The following GNAI3 variants were observed in gnomAD, a reference collection of about 807,000 sequenced individuals.
The protein encoded by GNAI3 is G protein subunit alpha i3.
Under a neutral mutation model 41.8 loss-of-function variants are expected in GNAI3, and 12 were observed. The observed-to-expected ratio is 0.29, with a 90% CI of 0.18 to 0.47. GNAI3 has a LOEUF of 0.47. Ranked by LOEUF, GNAI3 falls within the 20% of genes least tolerant of loss-of-function variation. The pLI is 1.00. For missense variants in GNAI3, 360 were observed against 429.6 expected, an observed-to-expected ratio of 0.84 and a Z score of 1.43; for synonymous variants, 132 against 146.5, an observed-to-expected ratio of 0.90 and a Z score of 0.71.
In GNAI3 at chr1:109,582,539, T is replaced by A; in HGVS notation, c.564T>A (p.His188Gln). The change falls in exon 5 of 9, where the codon CAT becomes CAA. Residue 188 changes from histidine (H) to glutamine (Q), a missense_variant. Coordinates refer to ENST00000369851, the MANE Select transcript of GNAI3 (RefSeq NM_006496.4). ...AGACCACAGGCATTGTAGAAACACA[T>A]TTCACCTTCAAAGACCTATACTTCA... ...RVKTTGIVETHFTFKDLYFKM... is the reference protein window; with the variant it reads ...RVKTTGIVETQFTFKDLYFKM... 1 of 1,608,280 alleles carries A rather than the reference T, an allele frequency of 6.2e-7. No individual in the cohort carries two copies. Among genetic ancestry groups the A allele is most frequent in the Non-Finnish European group, 8.5e-7 (1 of 1,174,704 alleles).
chr1:109,570,003 G>T (rs1455430349), intron 1 of GNAI3, among the ~76,000 whole-genome samples: 2 of 152,132 alleles, frequency 1.3e-5, no homozygotes, highest in Non-Finnish European at 2.9e-5. Context: ...AGTAGCTCTT[G>T]TTACTATGGA....
intron 1 of GNAI3, among the ~76,000 whole-genome samples, chr1:109,563,211 G>T (rs1234850482): frequency 6.6e-6 from 1 of 152,070 alleles, no homozygotes; most frequent in East Asian, 1.9e-4. Context: ...GTGAAACTCC[G>T]TCTCTACTAA....
intron 1 of GNAI3, among the ~76,000 whole-genome samples, chr1:109,557,210 C>G (rs775200081): frequency 1.3e-5 from 2 of 152,208 alleles, no homozygotes; most frequent in Non-Finnish European, 1.5e-5. Context: ...GCTGGGATTA[C>G]AGGTGTGAGT....
At chr1:109,553,669 A>G (rs965074247) in intron 1 of GNAI3, among the ~76,000 whole-genome samples, 3 of 152,188 alleles carry the variant, frequency 2.0e-5, no homozygotes. Flanking sequence ...TTTTATAAGC[A>G]TGTATCATTC....
chr1:109,590,581 C>CTT (rs201086144), intron 7 of GNAI3, among the ~76,000 whole-genome samples: 1 of 144,946 alleles, frequency 6.9e-6, no homozygotes. Flanking sequence ...TTTTCCTTTC[C>CTT]TTTTTTTTTT....
chr1:109,592,055 A>T lies in GNAI3; in HGVS notation c.887A>T (p.Tyr296Phe), dbSNP rs1285631581. ...CYPEYTGSNTYEEAAAYIQCQ... is the reference protein window; with the variant it reads ...CYPEYTGSNTFEEAAAYIQCQ... ...GTGTCCGTTTTAGGTTCCAATACATATGAAGAGGCAGCTGCCTATATTCAA... is the reference window on the plus strand; with the variant it reads ...GTGTCCGTTTTAGGTTCCAATACATTTGAAGAGGCAGCTGCCTATATTCAA... The change falls in exon 8 of 9, where the codon TAT (tyrosine) becomes TTT (phenylalanine). Residue 296 changes from tyrosine (Y) to phenylalanine (F), a missense_variant. By Grantham distance (22) the Tyr-to-Phe change is conservative (BLOSUM62 3). Transcript: ENST00000369851. 1.2e-6 allele frequency: 2 copies of T among 1,609,020 alleles called. No individual in the cohort carries two copies. The highest frequency in any genetic ancestry group is 1.7e-6 in the Non-Finnish European group (2 of 1,176,270).
chr1:109,559,697 T>A (rs1434767643), intron 1 of GNAI3, among the ~76,000 whole-genome samples: 1 of 152,172 alleles, frequency 6.6e-6, no homozygotes, highest in Non-Finnish European at 1.5e-5. Flanking sequence ...AAGAAATCAC[T>A]CAGTATTTGA....
chr1:109,596,148 T>C lies in GNAI3; in HGVS notation c.*3826T>C, dbSNP rs949849478. 1 of 152,228 alleles carries C rather than the reference T, an allele frequency of 6.6e-6. No individual in the cohort carries two copies. The highest frequency in any genetic ancestry group is 1.5e-5 in the Non-Finnish European group (1 of 68,044). 9.4% of individuals were successfully genotyped at this position (152,228 alleles called of 1,614,324 possible). ...ACCTCAAGTTGAAAGTTGATTTTGCTGACAACTATCAGGGAGTAAAAGAAA... is the reference window on the plus strand; with the variant it reads ...ACCTCAAGTTGAAAGTTGATTTTGCCGACAACTATCAGGGAGTAAAAGAAA... On this transcript the variant is annotated 3_prime_UTR_variant, in exon 9 of 9. Transcript: ENST00000369851.
At chr1:109,588,817 C>T (rs56116536) in intron 7 of GNAI3, among the ~76,000 whole-genome samples, 3,127 of 152,120 alleles carry the variant, frequency 0.021, 44 homozygotes, top group South Asian at 0.033. Context: ...CGCTTGAACC[C>T]GGGAGGCGGA....
intron 1 of GNAI3, among the ~76,000 whole-genome samples, chr1:109,558,215 G>C (rs1466451072): frequency 6.6e-6 from 1 of 152,100 alleles, no homozygotes; most frequent in Admixed American, 6.5e-5. Flanking sequence ...CTGAGGTCAG[G>C]AGTTCCAGAC....
Position 109,596,050 on chromosome 1 carries a change from A to C in GNAI3, c.*3728A>C, listed in dbSNP as rs778246817. 1 of 152,316 alleles carries C rather than the reference A, an allele frequency of 6.6e-6. No homozygotes were observed. Among genetic ancestry groups the C allele is most frequent in the South Asian group, 2.1e-4 (1 of 4,824 alleles). The allele number at this position is 152,316 out of a possible 1,614,324, so 9.4% of individuals were successfully genotyped here. ...ACCTGGATCAGCCTCAGCTCTTTAC[A>C]TAGCTTTATGATCATCATATTTTGT... On this transcript the variant is annotated 3_prime_UTR_variant, in exon 9 of 9. Transcript: ENST00000369851.
chr1:109,555,131 C>T (rs968571227), intron 1 of GNAI3, among the ~76,000 whole-genome samples: 6 of 152,134 alleles, frequency 3.9e-5, no homozygotes, highest in Non-Finnish European at 8.8e-5. Flanking sequence ...AAATTCAATG[C>T]AATTCCCATT....
intron 7 of GNAI3, among the ~76,000 whole-genome samples, chr1:109,590,610 C>G (rs919401489): frequency 1.3e-5 from 2 of 150,556 alleles, no homozygotes; most frequent in Admixed American, 6.6e-5. Flanking sequence ...GTGTCTTGCT[C>G]TGTCTCCCAG....
chr1:109,586,788 A>G lies in GNAI3; in HGVS notation c.780A>G (p.Thr260=). 1.9e-6 allele frequency: 3 copies of G among 1,599,314 alleles called. No homozygotes were observed. Among genetic ancestry groups the G allele is most frequent in the Non-Finnish European group, 1.7e-6 (2 of 1,166,906 alleles). Residue 260 remains threonine, a synonymous_variant, in exon 7 of 9, where the codon ACA becomes ACG. Coordinates refer to ENST00000369851, the MANE Select transcript of GNAI3 (RefSeq NM_006496.4). The stretch of plus-strand genomic sequence containing the variant: ...GCATTTGTAATAACAAATGGTTTAC[A>G]GAAACTTCAATCATTCTCTTCCTTA... ...FDSICNNKWF[T]ETSIILFLNK... is the part of the protein sequence containing the mutation.
intron 1 of GNAI3, among the ~76,000 whole-genome samples, chr1:109,553,818 A>G (rs1648068557): frequency 6.6e-6 from 1 of 152,196 alleles, no homozygotes; most frequent in Non-Finnish European, 1.5e-5. Flanking sequence ...TGAGCAGTCT[A>G]CACTGTACCC....
chr1:109,571,959 G>A, intron 1 of GNAI3, among the ~76,000 whole-genome samples: 1 of 151,970 alleles, frequency 6.6e-6, no homozygotes, highest in Non-Finnish European at 1.5e-5. Flanking sequence ...TAGAGAATGA[G>A]TTTAGATAGG....
At chr1:109,568,861 TG>T (rs1648523609) in intron 1 of GNAI3, among the ~76,000 whole-genome samples, 2 of 131,630 alleles carry the variant, frequency 1.5e-5, no homozygotes, top group African/African-American at 7.2e-5. Flanking sequence ...TCTTGTTGTT[TG>T]TTTTTTTTTG....
intron 3 of GNAI3, among the ~76,000 whole-genome samples, chr1:109,577,598 C>T (rs185302516): frequency 3.3e-5 from 5 of 152,140 alleles, no homozygotes; most frequent in Non-Finnish European, 7.4e-5. Context: ...TAGAGTTGAG[C>T]CTAGTCTACC....
chr1:109,571,650 G>A (rs1648599659), intron 1 of GNAI3, among the ~76,000 whole-genome samples: 1 of 152,194 alleles, frequency 6.6e-6, no homozygotes, highest in South Asian at 2.1e-4. Context: ...GGGTGCGATT[G>A]CTCACTTCTG....
Sources: allele counts gnomAD v4.1 joint callset (sites outside exome capture counted in the v4.1 genomes callset), GRCh38; gene constraint gnomAD v4.1.1; transcripts MANE v1.5; gene names NCBI Gene and HGNC (gene_info 2026-07-23, HGNC 2026-07-21).